Variants in CPA6 observed in about 807,000 individuals in gnomAD.
CPA6 encodes carboxypeptidase B.
A neutral mutation model predicts 63.3 loss-of-function variants in CPA6; 58 were observed. The ratio of observed to expected loss-of-function variants is 0.92; its 90% CI spans 0.74 to 1.14. The LOEUF (loss-of-function observed/expected upper bound fraction) is 1.14. Ranked by LOEUF, CPA6 falls within the 50% of genes most tolerant of loss-of-function variation. The pLI is 0.00. For synonymous variants in CPA6, 185 were observed against 179.0 expected (o/e 1.03, Z -0.27); for missense variants, 565 against 526.6 (o/e 1.07, Z -0.71).
At chr8:67,493,906 A>AT (rs1410281111) in intron 6 of CPA6, among the ~76,000 whole-genome samples, 3 of 151,932 alleles carry the variant, frequency 2.0e-5, no homozygotes, top group Non-Finnish European at 4.4e-5. Context: ...AGTCCCAAAC[A>AT]TTTTTTTCAC....
In CPA6 at chr8:67,573,709, G is replaced by A. The variant is rs570784405; in HGVS notation, c.192+50467C>T. 2.1e-3 allele frequency among the ~76,000 whole-genome samples: 312 copies of A among 151,686 alleles called. 2 individuals are homozygous for A. The highest frequency in any genetic ancestry group is 7.1e-3 in the African/African-American group (295 of 41,356). ...AGATTGAGACCATCCTGGCTAACAC[G>A]GTGAAACCCTGTCTCTACTAAAAAT... On this transcript the variant is annotated intron_variant, in intron 2 of 10. Transcript: ENST00000297770.
chr8:67,423,577 T>G (rs1453255116), intron 10 of CPA6, among the ~76,000 whole-genome samples: 1 of 152,218 alleles, frequency 6.6e-6, no homozygotes, highest in East Asian at 1.9e-4. Flanking sequence ...TTCCTGTCCT[T>G]TTCCTGCTTT....
chr8:67,661,523 C>T (rs1816109159), intron 1 of CPA6, among the ~76,000 whole-genome samples: 1 of 152,188 alleles, frequency 6.6e-6, no homozygotes, highest in Admixed American at 6.5e-5. Flanking sequence ...GCCTTCAGGG[C>T]TGGCCCCACA....
chr8:67,453,195 T>C (rs7005010), intron 8 of CPA6, among the ~76,000 whole-genome samples: 15,037 of 152,078 alleles, frequency 0.099, 1,906 homozygotes, highest in African/African-American at 0.3. Context: ...TGAGAGATGA[T>C]GGTAACTTAG....
intron 2 of CPA6, among the ~76,000 whole-genome samples, chr8:67,575,996 T>G (rs770099915): frequency 6.6e-6 from 1 of 152,172 alleles, no homozygotes; most frequent in Non-Finnish European, 1.5e-5. Context: ...ATTGAATTCA[T>G]GGGAACTGAG....
rs73251050 is a variant in CPA6, at chr8:67,629,855, C to A, written c.117-5604G>T. Among the ~76,000 whole-genome samples, 28 of 151,848 alleles carry A rather than the reference C, an allele frequency of 1.8e-4. No individual in the cohort carries two copies. In the East Asian group the frequency reaches 5.2e-3, roughly 28 times the overall value. On this transcript the variant is annotated intron_variant, in intron 1 of 10. Coordinates refer to ENST00000297770, the MANE Select transcript of CPA6 (RefSeq NM_020361.5). ...GGCGTGGTGGCTCACACCTGTAATC[C>A]CAGTACTTTGGGAGGCCGAGGCGGG...
At chr8:67,491,836 A>C (rs1322813093) in intron 6 of CPA6, among the ~76,000 whole-genome samples, 1 of 151,588 alleles carries the variant, frequency 6.6e-6, no homozygotes, top group Non-Finnish European at 1.5e-5. Flanking sequence ...TACCACTGCT[A>C]CAAATCACTA....
chr8:67,725,308 T>C (rs1032634243), intron 1 of CPA6, among the ~76,000 whole-genome samples: 1 of 152,216 alleles, frequency 6.6e-6, no homozygotes, highest in African/African-American at 2.4e-5. Flanking sequence ...ATATTCCTAA[T>C]ATCTAAAACA....
chr8:67,654,386 G>A (rs995665668), intron 1 of CPA6, among the ~76,000 whole-genome samples: 5 of 152,100 alleles, frequency 3.3e-5, no homozygotes, highest in African/African-American at 1.2e-4. Context: ...GACTCTTTTT[G>A]TTGGTAAGCT....
intron 10 of CPA6, among the ~76,000 whole-genome samples, chr8:67,424,803 T>G (rs1156556873): frequency 1.3e-5 from 2 of 152,190 alleles, no homozygotes; most frequent in African/African-American, 4.8e-5. Flanking sequence ...CTTTTTCTGT[T>G]TTTTGTTTTC....
In CPA6 at chr8:67,644,771, A is replaced by G. The variant is rs536640138; in HGVS notation, c.117-20520T>C. 3.3e-4 allele frequency among the ~76,000 whole-genome samples: 51 copies of G among 152,292 alleles called. No homozygotes were observed. In the South Asian group the frequency reaches 8.5e-3, roughly 25 times the overall value. ...CATGGCCCTAACAGCAGCAAGGGCC[A>G]AAGGGAACCAGGCTTCTTGGCCCAG... On this transcript the variant is annotated intron_variant, in intron 1 of 10. Coordinates refer to ENST00000297770, the MANE Select transcript of CPA6 (RefSeq NM_020361.5).
chr8:67,597,057 T>G (rs1452679726), intron 2 of CPA6, among the ~76,000 whole-genome samples: 1 of 152,198 alleles, frequency 6.6e-6, no homozygotes. Context: ...TAAAATTTAT[T>G]ATTTTTGCCT....
intron 4 of CPA6, among the ~76,000 whole-genome samples, chr8:67,510,017 C>A (rs1812010898): frequency 6.6e-6 from 1 of 152,128 alleles, no homozygotes; most frequent in African/African-American, 2.4e-5. Context: ...GTCCAAACTA[C>A]TTGAAAGTGT....
intron 8 of CPA6, among the ~76,000 whole-genome samples, chr8:67,478,749 AC>A (rs1380269380): frequency 6.6e-6 from 1 of 152,098 alleles, no homozygotes; most frequent in Non-Finnish European, 1.5e-5. Flanking sequence ...AGAAATTGAC[AC>A]CCCTGGCTGG....
chr8:67,552,540 A>G (rs547125232), intron 2 of CPA6, among the ~76,000 whole-genome samples: 46 of 152,126 alleles, frequency 3.0e-4, no homozygotes, highest in Non-Finnish European at 4.4e-4. Context: ...TTGGGAGGCC[A>G]AGGCGGGCGG....
chr8:67,498,278 G>A (rs150772992), intron 6 of CPA6, among the ~76,000 whole-genome samples: 2,063 of 152,140 alleles, frequency 0.014, 56 homozygotes, highest in African/African-American at 0.046. Context: ...GCTCACATCT[G>A]TAATCCCAGC....
At chr8:67,735,975 T>C (rs1817805145) in intron 1 of CPA6, among the ~76,000 whole-genome samples, 1 of 152,132 alleles carries the variant, frequency 6.6e-6, no homozygotes. Context: ...TGGAGCTGGG[T>C]TTATGGTTCC....
At chr8:67,428,586 C>T (rs1379457218) in intron 9 of CPA6, among the ~76,000 whole-genome samples, 1 of 152,138 alleles carries the variant, frequency 6.6e-6, no homozygotes, top group East Asian at 1.9e-4. Context: ...TGGGTTCAAG[C>T]GATTCCCCTG....
intron 8 of CPA6, among the ~76,000 whole-genome samples, chr8:67,438,129 G>C (rs1208271891): frequency 6.6e-6 from 1 of 152,144 alleles, no homozygotes; most frequent in African/African-American, 2.4e-5. Context: ...TGTTTGCCAG[G>C]CTTGTCTTGA....
Sources: allele counts gnomAD v4.1 joint callset (sites outside exome capture counted in the v4.1 genomes callset), GRCh38; gene constraint gnomAD v4.1.1; transcripts MANE v1.5; gene names NCBI Gene and HGNC (gene_info 2026-07-23, HGNC 2026-07-21).